Variants in CYFIP2 observed in about 807,000 individuals in gnomAD.
The protein encoded by CYFIP2 is cytoplasmic FMR1 interacting protein 2.
A neutral mutation model predicts 158.7 loss-of-function variants in CYFIP2; 29 were observed. The ratio of observed to expected loss-of-function variants is 0.18; its 90% CI spans 0.14 to 0.25. The LOEUF (loss-of-function observed/expected upper bound fraction) is 0.25, where lower values mean the gene tolerates loss of function less well. Ranked by LOEUF, CYFIP2 falls within the 10% of genes least tolerant of loss-of-function variation. CYFIP2 has a pLI of 1.00. For missense variants in CYFIP2, 852 were observed against 1,639.5 expected, an observed-to-expected ratio of 0.52 and a Z score of 8.29; for synonymous variants, 585 against 617.6, an observed-to-expected ratio of 0.95 and a Z score of 0.78.
At chr5:157,386,485 A>T (rs1028713081) in intron 28 of CYFIP2, among the ~76,000 whole-genome samples, 5 of 152,220 alleles carry the variant, frequency 3.3e-5, no homozygotes, top group Non-Finnish European at 1.5e-5. Context: ...ACACAGGTAG[A>T]TGCACACGGA....
At chr5:157,357,139 A>G (rs1370784299) in intron 23 of CYFIP2, among the ~76,000 whole-genome samples, 1 of 152,188 alleles carries the variant, frequency 6.6e-6, no homozygotes, top group East Asian at 1.9e-4. Context: ...GCTCACCAAG[A>G]GAACTATTAC....
intron 26 of CYFIP2, among the ~76,000 whole-genome samples, chr5:157,379,822 C>A (rs953132897): frequency 9.9e-5 from 15 of 152,090 alleles, no homozygotes; most frequent in African/African-American, 3.6e-4. Context: ...CCAGACAGAG[C>A]CTATTTATCC....
rs1755635127 is a variant in CYFIP2 at position 157,266,713 on chromosome 5, G to C, written c.-24+518G>C. On this transcript the variant is annotated intron_variant, in intron 1 of 30. Transcript: ENST00000620254. This position sits in a 1 kb window ranked among gnomAD's most constrained non-coding sequence, Gnocchi z 4.2. ...ACAGAACGTGTGATGGGTGGGGCGA[G>C]GGGCGCAGCGTCGATGTTTGGGGGC... 6.6e-6 allele frequency: 1 copy of C among 152,442 alleles called. No homozygotes were observed. The highest frequency in any genetic ancestry group is 2.4e-5 in the African/African-American group (1 of 41,436). The allele number at this position is 152,442 out of a possible 1,614,324, so 9.4% of individuals were successfully genotyped here. A position where few individuals can be genotyped will look rare whatever the true frequency, so the allele number is the denominator to read the frequency against.
Position 157,311,646 on chromosome 5 carries a change from C to A in CYFIP2, c.993-18C>A. ...CCTGAGGCTGGGACCCTCTCCGACC[C>A]CATAATTTTCTACCCAGGTGGACGT... On this transcript the variant is annotated intron_variant, in intron 10 of 30. Coordinates refer to ENST00000620254, the MANE Select transcript of CYFIP2 (RefSeq NM_001037333.3). The surrounding 1 kb of genome is among the most constrained non-coding windows in gnomAD (Gnocchi z 4.7). The A allele has an allele frequency of 6.3e-7, 1 of 1,590,162 alleles. No homozygotes were observed. The highest frequency in any genetic ancestry group is 8.6e-7 in the Non-Finnish European group (1 of 1,168,544).
In CYFIP2 at chr5:157,325,531, C is replaced by A. The variant is rs1342557086; in HGVS notation, c.1875C>A (p.Phe625Leu). The A allele has an allele frequency of 3.1e-6, 5 of 1,613,206 alleles. No homozygotes were observed. Among genetic ancestry groups the A allele is most frequent in the Non-Finnish European group, 4.2e-6 (5 of 1,179,606 alleles). ...TCTCCCAGCTCTGGTTCCGAGAATTCTTCCTGGAGTTAACCATGGGCCGAC... is the reference window on the plus strand; with the variant it reads ...TCTCCCAGCTCTGGTTCCGAGAATTATTCCTGGAGTTAACCATGGGCCGAC... The part of the protein sequence containing the change: ...CDLSQLWFRE[F>L]FLELTMGRRI... Residue 625 changes from phenylalanine (F) to leucine (L), a missense_variant, in exon 17 of 31, where the codon TTC becomes TTA. By Grantham distance (22) the Phe-to-Leu change is conservative. Coordinates refer to ENST00000620254, the MANE Select transcript of CYFIP2 (RefSeq NM_001037333.3).
chr5:157,376,749 A>T lies in CYFIP2; in HGVS notation c.3040-5841A>T, dbSNP rs560029645. ...TGGTCACCCTGAGAAGCACCCACTT[A>T]TGCAAACCTTGCACTTGCACAGTTC... On this transcript the variant is annotated intron_variant, in intron 26 of 30. Coordinates refer to ENST00000620254, the MANE Select transcript of CYFIP2 (RefSeq NM_001037333.3). 2.5e-5 allele frequency: 8 copies of T among 325,014 alleles called. No homozygotes were observed. In the East Asian group the frequency reaches 6.1e-4, roughly 25 times the overall value. 20.1% of individuals were successfully genotyped at this position (325,014 alleles called of 1,614,324 possible).
chr5:157,353,906 G>C (rs1324676120), intron 23 of CYFIP2, among the ~76,000 whole-genome samples: 1 of 152,232 alleles, frequency 6.6e-6, no homozygotes, highest in African/African-American at 2.4e-5. Context: ...AGGCCTTACT[G>C]TTTGAAGTGG....
At chr5:157,385,049 A>G (rs533673977) in intron 28 of CYFIP2, 28 of 153,268 alleles carry the variant, frequency 1.8e-4, no homozygotes, top group Non-Finnish European at 2.6e-4. Flanking sequence ...TTTGGCCTGC[A>G]GAGGCTAAAC....
At chr5:157,330,626 G>C in intron 19 of CYFIP2, 116 bp from the exon 20 acceptor site, 1 of 720,658 alleles carries the variant, frequency 1.4e-6, no homozygotes, top group Non-Finnish European at 2.3e-6. Flanking sequence ...TTTTACTTAA[G>C]TTATATAAGA....
intron 1 of CYFIP2, among the ~76,000 whole-genome samples, chr5:157,275,750 C>T (rs544706332): frequency 5.4e-4 from 82 of 152,230 alleles, no homozygotes; most frequent in African/African-American, 1.9e-3. Flanking sequence ...GCAGTATTGC[C>T]GTGTTAACAA....
At chr5:157,296,805 A>G (rs769955595) in intron 5 of CYFIP2, 31 bp downstream of exon 5, 1 of 1,556,960 alleles carries the variant, frequency 6.4e-7, no homozygotes, top group Non-Finnish European at 8.8e-7. Flanking sequence ...CTGCATCTGG[A>G]GAACTGAAAA....
chr5:157,304,179 T>C, intron 7 of CYFIP2, 59 bp from the exon 8 acceptor site: 2 of 1,560,736 alleles, frequency 1.3e-6, no homozygotes, highest in African/African-American at 2.7e-5. Context: ...TCTGCAGGGG[T>C]GCAGGTGAGG....
At chr5:157,309,483 AAGTGACCTTGG>A (rs1437798458) in intron 9 of CYFIP2, among the ~76,000 whole-genome samples, 1 of 152,108 alleles carries the variant, frequency 6.6e-6, no homozygotes, top group Admixed American at 6.5e-5. Flanking sequence ...GCTGTTGGCT[AAGTGACCTTGG>A]ACAAGTCACT....
chr5:157,274,706 T>C (rs935267611), intron 1 of CYFIP2, among the ~76,000 whole-genome samples: 11 of 152,234 alleles, frequency 7.2e-5, no homozygotes, highest in African/African-American at 2.7e-4. Flanking sequence ...GTATTCTCAG[T>C]TTCTCCACAT....
chr5:157,344,223 A>G (rs1231634234), intron 23 of CYFIP2, among the ~76,000 whole-genome samples: 1 of 152,114 alleles, frequency 6.6e-6, no homozygotes, highest in Admixed American at 6.5e-5. Context: ...CATAACTACC[A>G]CTATTTAATT....
rs1381725098 is a variant in CYFIP2, at chr5:157,311,037, GA to G, written c.993-621del. The G allele has an allele frequency of 2.2e-6, 1 of 444,722 alleles. No homozygotes were observed. Among genetic ancestry groups the G allele is most frequent in the Non-Finnish European group, 4.5e-6 (1 of 224,640 alleles). 27.5% of individuals were successfully genotyped at this position (444,722 alleles called of 1,614,324 possible). A position where few individuals can be genotyped will look rare whatever the true frequency, so the allele number is the denominator to read the frequency against. ...TAATGACATCTTTTCACAAGGCGTG[GA>G]AAAAAGGCGGAGGGAAGGAGGAAAG... On this transcript the variant is annotated intron_variant, in intron 10 of 30. Coordinates refer to ENST00000620254, the MANE Select transcript of CYFIP2 (RefSeq NM_001037333.3). The surrounding 1 kb of genome is among the most constrained non-coding windows in gnomAD (Gnocchi z 4.7).
At chr5:157,343,230 C>T (rs1262806863) in intron 23 of CYFIP2, 2 of 1,614,212 alleles carry the variant, frequency 1.2e-6, no homozygotes, top group Admixed American at 1.7e-5. Flanking sequence ...AGGGAGCTTC[C>T]AGGAGCCAGC....
chr5:157,271,821 C>T (rs1003706907), intron 1 of CYFIP2, among the ~76,000 whole-genome samples: 3 of 152,212 alleles, frequency 2.0e-5, no homozygotes, highest in African/African-American at 4.8e-5. Flanking sequence ...GGTGGCCAGA[C>T]CTGAAGCCCT....
At chr5:157,377,594 G>A (rs921418513) in intron 26 of CYFIP2, among the ~76,000 whole-genome samples, 3 of 152,056 alleles carry the variant, frequency 2.0e-5, no homozygotes, top group East Asian at 1.9e-4. Context: ...TTGTGCATCT[G>A]GTCTCCCTCA....
Sources: gnomAD v4.1 joint callset for allele counts (sites outside exome capture counted in the v4.1 genomes callset) on GRCh38, gnomAD v4.1.1 for gene constraint, Gnocchi (gnomAD v3.1) non-coding constraint, MANE v1.5 for transcripts, NCBI Gene and HGNC (gene_info 2026-07-23, HGNC 2026-07-21) for gene names.